The following CDKAL1 variants were observed in gnomAD, a reference collection of about 807,000 sequenced individuals.
CDKAL1 encodes the protein threonylcarbamoyladenosine tRNA methylthiotransferase.
Under a neutral mutation model 68.2 loss-of-function variants are expected in CDKAL1, and 32 were observed. The observed-to-expected ratio is 0.47, with a 90% CI of 0.35 to 0.63. The LOEUF is 0.63. Among genes scored for constraint, CDKAL1 ranks in the 30% least tolerant of loss-of-function variants. CDKAL1 has a pLI of 0.00. For synonymous variants in CDKAL1, 234 were observed against 244.3 expected, an observed-to-expected ratio of 0.96 and a Z score of 0.39; for missense variants, 606 against 696.7, an observed-to-expected ratio of 0.87 and a Z score of 1.47.
chr6:20,725,783 T>TAAAAAA (rs67587689), intron 5 of CDKAL1, among the ~76,000 whole-genome samples: 10 of 99,052 alleles, frequency 1.0e-4, no homozygotes, highest in African/African-American at 2.3e-4. Context: ...AAACTCCGTC[T>TAAAAAA]AAAAAAAAAA....
intron 10 of CDKAL1, among the ~76,000 whole-genome samples, chr6:20,991,426 G>T (rs1766790980): frequency 6.6e-6 from 1 of 152,140 alleles, no homozygotes; most frequent in South Asian, 2.1e-4. Flanking sequence ...AACCAGTCTT[G>T]CCTGGGCACG....
At chr6:20,634,234 T>A (rs1226839994) in intron 4 of CDKAL1, among the ~76,000 whole-genome samples, 1 of 152,242 alleles carries the variant, frequency 6.6e-6, no homozygotes, top group East Asian at 1.9e-4. Context: ...AGTGTATCAC[T>A]TTTCAAATAT....
Position 20,621,883 on chromosome 6 carries a change from T to TTTA in CDKAL1, c.287-27407_287-27405dup, listed in dbSNP as rs1475759586. The stretch of plus-strand genomic sequence containing the variant: ...ATTTCTCCAAGAAGCCTTGATTCCT[T>TTTA]TTATTGAAGAGTAGTGTTAGAAACC... On this transcript the variant is annotated intron_variant, in intron 4 of 15. Transcript: ENST00000274695. 5.9e-5 allele frequency among the ~76,000 whole-genome samples: 9 copies of TTTA among 152,084 alleles called. No individual in the cohort carries two copies. In the East Asian group the frequency reaches 1.7e-3, roughly 29 times the overall value.
At chr6:21,058,918 C>A (rs1284175493) in intron 11 of CDKAL1, among the ~76,000 whole-genome samples, 1 of 152,212 alleles carries the variant, frequency 6.6e-6, no homozygotes, top group African/African-American at 2.4e-5. Context: ...CTTAATGAAG[C>A]ACTCTGGCTG....
chr6:20,904,824 T>A (rs560323604), intron 9 of CDKAL1, among the ~76,000 whole-genome samples: 2 of 151,644 alleles, frequency 1.3e-5, no homozygotes, highest in South Asian at 4.2e-4. Context: ...AGTCACTACA[T>A]GTGGCCAGGA....
intron 11 of CDKAL1, among the ~76,000 whole-genome samples, chr6:21,028,111 A>T (rs767949180): frequency 1.3e-5 from 2 of 152,174 alleles, no homozygotes; most frequent in Non-Finnish European, 2.9e-5. Context: ...TCTGGGCTGA[A>T]TGGAGTCACA....
intron 5 of CDKAL1, among the ~76,000 whole-genome samples, chr6:20,727,087 A>G (rs537534147): frequency 6.6e-6 from 1 of 152,262 alleles, no homozygotes; most frequent in South Asian, 2.1e-4. Flanking sequence ...TCCTATTGTT[A>G]AGGAGTTAAA....
At chr6:20,584,595 G>A (rs901691156) in intron 4 of CDKAL1, among the ~76,000 whole-genome samples, 1 of 152,170 alleles carries the variant, frequency 6.6e-6, no homozygotes, top group Non-Finnish European at 1.5e-5. Context: ...GAACTGACTG[G>A]TGAGTCCTTG....
At chr6:20,842,380 C>A (rs1187956705) in intron 8 of CDKAL1, among the ~76,000 whole-genome samples, 1 of 152,066 alleles carries the variant, frequency 6.6e-6, no homozygotes, top group Non-Finnish European at 1.5e-5. Flanking sequence ...AATATATACA[C>A]TTACTATGTA....
chr6:20,872,335 G>T (rs1011297404), intron 9 of CDKAL1, among the ~76,000 whole-genome samples: 8 of 151,884 alleles, frequency 5.3e-5, no homozygotes, highest in African/African-American at 1.9e-4. Flanking sequence ...TTATAGCTTT[G>T]ATTATCAAAA....
intron 12 of CDKAL1, among the ~76,000 whole-genome samples, chr6:21,086,444 A>G (rs936022451): frequency 6.6e-6 from 1 of 152,218 alleles, no homozygotes; most frequent in Non-Finnish European, 1.5e-5. Context: ...CTACAACTTA[A>G]AGACAAATTC....
At chr6:20,736,482 A>G (rs907898103) in intron 5 of CDKAL1, among the ~76,000 whole-genome samples, 4 of 152,134 alleles carry the variant, frequency 2.6e-5, no homozygotes, top group Non-Finnish European at 5.9e-5. Context: ...CTTTTTAAAA[A>G]TCTTCCGGCC....
At chr6:21,135,596 G>T (rs1316749715) in intron 13 of CDKAL1, 3 of 650,838 alleles carry the variant, frequency 4.6e-6, no homozygotes, top group Non-Finnish European at 5.7e-6. Context: ...AGGACCATAT[G>T]CTAGTTGACT....
intron 4 of CDKAL1, among the ~76,000 whole-genome samples, chr6:20,612,854 CTT>C (rs1407460284): frequency 1.3e-5 from 2 of 152,006 alleles, no homozygotes; most frequent in East Asian, 3.9e-4. Flanking sequence ...TGTAAAATCA[CTT>C]TTTTGAATGG....
At chr6:20,656,649 A>G (rs1337246060) in intron 5 of CDKAL1, among the ~76,000 whole-genome samples, 2 of 152,224 alleles carry the variant, frequency 1.3e-5, no homozygotes, top group Non-Finnish European at 2.9e-5. Context: ...ATTAATGGAC[A>G]TAGTTCTAGA....
chr6:20,927,517 A>G (rs990847264), intron 9 of CDKAL1, among the ~76,000 whole-genome samples: 1 of 152,198 alleles, frequency 6.6e-6, no homozygotes, highest in Non-Finnish European at 1.5e-5. Context: ...TTTTGCATTA[A>G]TATTACTTTT....
chr6:21,176,527 A>T (rs1777577772), intron 13 of CDKAL1, among the ~76,000 whole-genome samples: 1 of 152,172 alleles, frequency 6.6e-6, no homozygotes, highest in Non-Finnish European at 1.5e-5. Context: ...AGGAGACCAA[A>T]ATATTGCTTG....
At chr6:20,689,247 G>C (rs769060026) in intron 5 of CDKAL1, among the ~76,000 whole-genome samples, 3 of 152,276 alleles carry the variant, frequency 2.0e-5, no homozygotes, top group East Asian at 1.9e-4. Context: ...AAAAATTCAC[G>C]CAAGTATGGG....
At chr6:21,126,183 C>T (rs890170072) in intron 13 of CDKAL1, among the ~76,000 whole-genome samples, 1 of 152,134 alleles carries the variant, frequency 6.6e-6, no homozygotes, top group African/African-American at 2.4e-5. Context: ...TATTTAAAAT[C>T]GATCTTTCTA....
Sources: gnomAD v4.1 joint callset for allele counts (sites outside exome capture counted in the v4.1 genomes callset) on GRCh38, gnomAD v4.1.1 for gene constraint, MANE v1.5 for transcripts, NCBI Gene and HGNC (gene_info 2026-07-23, HGNC 2026-07-21) for gene names.